The following ZSCAN20 variants were observed in gnomAD, a reference collection of about 807,000 sequenced individuals.
ZSCAN20 encodes zinc finger and SCAN domain containing 20.
ZSCAN20 carries 39 observed loss-of-function variants against 97.1 expected under a neutral mutation model. The observed-to-expected ratio is 0.40, with a 90% CI of 0.31 to 0.52. ZSCAN20 has a LOEUF of 0.52. Among genes scored for constraint, ZSCAN20 ranks in the 20% least tolerant of loss-of-function variants. The pLI is 0.49. For synonymous variants in ZSCAN20, 456 were observed against 467.3 expected, an observed-to-expected ratio of 0.98 and a Z score of 0.31; for missense variants, 1,115 against 1,290.4, an observed-to-expected ratio of 0.86 and a Z score of 2.08.
chr1:33,477,883 G>A (rs1029140031), intron 1 of ZSCAN20, among the ~76,000 whole-genome samples: 2 of 151,898 alleles, frequency 1.3e-5, no homozygotes, highest in African/African-American at 4.8e-5. Flanking sequence ...GCTTGTGGTC[G>A]AGGACTGAAT....
Position 33,488,539 on chromosome 1 carries a change from A to G in ZSCAN20, c.492A>G (p.Pro164=). ...AAGCTCAGAGCTTCCAGCTGCAGCC[A>G]GTGGATCCCTGGCCTGAGGGACAGT... ...GEEAQSFQLQ[P]VDPWPEGQSQ... is the part of the protein sequence containing the mutation. The change falls in exon 3 of 8, where the codon CCA becomes CCG. Residue 164 remains proline, a synonymous_variant. Transcript: ENST00000684572. The G allele has an allele frequency of 1.9e-6, 3 of 1,614,160 alleles. No homozygotes were observed. The highest frequency in any genetic ancestry group is 8.5e-7 in the Non-Finnish European group (1 of 1,180,018).
intron 2 of ZSCAN20, among the ~76,000 whole-genome samples, chr1:33,486,028 G>A (rs1652352513): frequency 1.3e-5 from 2 of 152,192 alleles, no homozygotes; most frequent in South Asian, 2.1e-4. Flanking sequence ...TGGAAGAGCA[G>A]AGGGAGCTGG....
In ZSCAN20 at chr1:33,494,971, A is replaced by G. The variant is rs771080021; in HGVS notation, c.2627A>G (p.Glu876Gly). 1 of 1,614,130 alleles carries G rather than the reference A, an allele frequency of 6.2e-7. No homozygotes were observed. The highest frequency in any genetic ancestry group is 8.5e-7 in the Non-Finnish European group (1 of 1,180,014). The change falls in exon 8 of 8, where the codon GAG (glutamate) becomes GGG (glycine). Residue 876 changes from glutamate (E) to glycine (G), a missense_variant. Glu to Gly is a moderately conservative substitution (Grantham distance 98). Around this residue, in one of 3 missense-constraint regions of ZSCAN20, gnomAD observed 554 missense variants for 584.9 expected, o/e 0.95. Transcript: ENST00000684572. The stretch of plus-strand genomic sequence containing the variant: ...ACAAACTCAGGGGAGAAACTTTATG[A>G]GTGTTCTGAATGTGGAAGAAGCTTC... ...HSTNSGEKLYECSECGRSFSK... is the reference protein window; with the variant it reads ...HSTNSGEKLYGCSECGRSFSK...
chr1:33,491,381 C>G lies in ZSCAN20; in HGVS notation c.1123C>G (p.Gln375Glu). ...RARGFLRTLE[Q>E]CRYRVKNLLR... Reference sequence around the variant, plus strand: ...AAGGGGCTTCCTGCGGACACTGGAGCAATGTCGCTATAGGGTCAAAAACCT... The same window carrying G: ...AAGGGGCTTCCTGCGGACACTGGAGGAATGTCGCTATAGGGTCAAAAACCT... Residue 375 changes from glutamine to glutamate, a missense_variant, in exon 6 of 8, where the codon CAA (glutamine) becomes GAA (glutamate). Transcript: ENST00000684572. The surrounding 1 kb of genome is among the most constrained non-coding windows in gnomAD (Gnocchi z 4.3). The G allele has an allele frequency of 6.2e-7, 1 of 1,614,156 alleles. No individual in the cohort carries two copies. The highest frequency in any genetic ancestry group is 1.1e-5 in the South Asian group (1 of 91,078).
intron 2 of ZSCAN20, among the ~76,000 whole-genome samples, chr1:33,481,615 A>G (rs777640184): frequency 6.6e-6 from 1 of 152,320 alleles, no homozygotes; most frequent in South Asian, 2.1e-4. Context: ...TGCAAGATAT[A>G]TAACTTAGTT....
At chr1:33,481,606 G>T (rs1652158633) in intron 2 of ZSCAN20, among the ~76,000 whole-genome samples, 1 of 152,010 alleles carries the variant, frequency 6.6e-6, no homozygotes, top group East Asian at 1.9e-4. Flanking sequence ...ATCTTACATT[G>T]CAAGATATAT....
At position 33,493,130 on chromosome 1, in the gene ZSCAN20, G is replaced by A; in HGVS notation, c.1445-57G>A. On this transcript the variant is annotated intron_variant, in intron 6 of 7. Transcript: ENST00000684572. This position sits in a 1 kb window ranked among gnomAD's most constrained non-coding sequence, Gnocchi z 4.3. The stretch of plus-strand genomic sequence containing the variant: ...TGAAGGGCAGGTGACTTTATTCTCT[G>A]ATGACCTAGGCACATCTCATTAAGT... 6.4e-7 allele frequency: 1 copy of A among 1,552,840 alleles called. No individual in the cohort carries two copies. Among genetic ancestry groups the A allele is most frequent in the Non-Finnish European group, 8.8e-7 (1 of 1,138,002 alleles).
Position 33,498,224 on chromosome 1 carries a change from TG to T in ZSCAN20, c.*2749del, listed in dbSNP as rs1366256428. ...TCACTGTGGAAGTCAAGCTGAGCTCTGTGTGGATGTGAGGTGGTAGTCCTCT... is the reference window on the plus strand; with the variant it reads ...TCACTGTGGAAGTCAAGCTGAGCTCTTGTGGATGTGAGGTGGTAGTCCTCT... On this transcript the variant is annotated 3_prime_UTR_variant, in exon 8 of 8. Transcript: ENST00000684572. Among the ~76,000 whole-genome samples the T allele has an allele frequency of 6.6e-6, 1 of 152,222 alleles. No homozygotes were observed. The highest frequency in any genetic ancestry group is 1.5e-5 in the Non-Finnish European group (1 of 68,032).
In ZSCAN20 at chr1:33,491,219, G is replaced by C. The variant is rs1340303961; in HGVS notation, c.961G>C (p.Val321Leu). The C allele has an allele frequency of 2.5e-6, 4 of 1,614,162 alleles. No individual in the cohort carries two copies. The change falls in exon 6 of 8, where the codon GTG becomes CTG. Residue 321 changes from valine (V) to leucine (L), a missense_variant. Physicochemically the swap from Val to Leu is conservative, Grantham distance 32 (BLOSUM62 1). Transcript: ENST00000684572. This position sits in a 1 kb window ranked among gnomAD's most constrained non-coding sequence, Gnocchi z 4.3. Reference sequence around the variant, plus strand: ...CCAGTGGGATGTGGAGGACATGAAGGTGTCAGGTGTTCACTGGGGCTATGA... The same window carrying C: ...CCAGTGGGATGTGGAGGACATGAAGCTGTCAGGTGTTCACTGGGGCTATGA... ...QYQWDVEDMK[V>L]SGVHWGYEET...
In ZSCAN20 at chr1:33,493,411, G is replaced by T; in HGVS notation, c.1669G>T (p.Gly557Trp). 6.2e-7 allele frequency: 1 copy of T among 1,614,220 alleles called. No homozygotes were observed. Among genetic ancestry groups the T allele is most frequent in the Non-Finnish European group, 8.5e-7 (1 of 1,180,036 alleles). Residue 557 changes from glycine to tryptophan, a missense_variant, in exon 7 of 8, where the codon GGG (glycine) becomes TGG (tryptophan). This residue lies in a region of ZSCAN20 where 53 missense variants were observed against 94.3 expected (regional missense o/e 0.56). Coordinates refer to ENST00000684572, the MANE Select transcript of ZSCAN20 (RefSeq NM_001377376.1). The surrounding 1 kb of genome is among the most constrained non-coding windows in gnomAD (Gnocchi z 4.3). ...GAAAGCCAAGAGCAGCCACCCACCA[G>T]GGACATGCCCTTTCTATGAGGAACT... ...YRKAKSSHPPGTCPFYEELDS... is the reference protein window; with the variant it reads ...YRKAKSSHPPWTCPFYEELDS...
At position 33,495,124 on chromosome 1, in the gene ZSCAN20, G is replaced by A; in HGVS notation, c.2780G>A (p.Gly927Glu). 6.2e-7 allele frequency: 1 copy of A among 1,613,808 alleles called. No individual in the cohort carries two copies. Among genetic ancestry groups the A allele is most frequent in the Non-Finnish European group, 8.5e-7 (1 of 1,179,754 alleles). The stretch of plus-strand genomic sequence containing the variant: ...GCCAACCACCAGCGCACCCACACTG[G>A]AGAGAAGCCGTATAAATGTGTGGAC... ...TLANHQRTHT[G>E]EKPYKCVDCG... Residue 927 changes from glycine to glutamate, a missense_variant, in exon 8 of 8, where the codon GGA becomes GAA. Transcript: ENST00000684572.
intron 1 of ZSCAN20, among the ~76,000 whole-genome samples, chr1:33,476,141 G>T (rs923478073): frequency 6.6e-6 from 1 of 152,172 alleles, no homozygotes; most frequent in South Asian, 2.1e-4. Flanking sequence ...CTTAGAAATT[G>T]CTGGTCCTAA....
intron 4 of ZSCAN20, 139 bp from the exon 5 acceptor site, chr1:33,489,379 G>C: frequency 9.9e-7 from 1 of 1,009,388 alleles, no homozygotes; most frequent in Non-Finnish European, 1.5e-6. Flanking sequence ...GTACCAAATG[G>C]CCATCCTGCT....
Position 33,496,433 on chromosome 1 carries a change from A to G in ZSCAN20, c.*957A>G, listed in dbSNP as rs1423047443. ...TTTGAGCAAGGATGAGCTATTATCA[A>G]AATACTTGATGTGAGTTTCCATCTT... On this transcript the variant is annotated 3_prime_UTR_variant, in exon 8 of 8. Coordinates refer to ENST00000684572, the MANE Select transcript of ZSCAN20 (RefSeq NM_001377376.1). 1 of 152,216 alleles carries G rather than the reference A, an allele frequency of 6.6e-6. No individual in the cohort carries two copies. The highest frequency in any genetic ancestry group is 6.5e-5 in the Admixed American group (1 of 15,282). The allele number at this position is 152,216 out of a possible 1,614,324, so 9.4% of individuals were successfully genotyped here. A position where few individuals can be genotyped will look rare whatever the true frequency, so the allele number is the denominator to read the frequency against.
intron 2 of ZSCAN20, among the ~76,000 whole-genome samples, chr1:33,484,475 G>A (rs1469498240): frequency 6.6e-6 from 1 of 152,086 alleles, no homozygotes; most frequent in Non-Finnish European, 1.5e-5. Context: ...TTTGCCCGTT[G>A]ATGTGATGGG....
At chr1:33,486,642 A>T (rs1652377950) in intron 2 of ZSCAN20, among the ~76,000 whole-genome samples, 1 of 152,208 alleles carries the variant, frequency 6.6e-6, no homozygotes, top group Non-Finnish European at 1.5e-5. Flanking sequence ...ATTACCATCC[A>T]TGGAATCAGA....
At chr1:33,489,263 C>T (rs1037591355) in intron 4 of ZSCAN20, 72 bp downstream of exon 4, 85 of 1,483,712 alleles carry the variant, frequency 5.7e-5, no homozygotes, top group Non-Finnish European at 7.9e-5. Context: ...TGTTCCTCCT[C>T]TCTCTCCATG....
At chr1:33,474,443 T>C (rs1360855657) in intron 1 of ZSCAN20, among the ~76,000 whole-genome samples, 2 of 152,202 alleles carry the variant, frequency 1.3e-5, no homozygotes, top group Admixed American at 6.5e-5. Flanking sequence ...CTGAGTGGGC[T>C]CCTCATGACC....
At position 33,491,072 on chromosome 1, in the gene ZSCAN20, C is replaced by T. The variant is rs1652583959; in HGVS notation, c.814C>T (p.Pro272Ser). 6.2e-7 allele frequency: 1 copy of T among 1,612,476 alleles called. No homozygotes were observed. The highest frequency in any genetic ancestry group is 8.5e-7 in the Non-Finnish European group (1 of 1,179,614). ...PSNTSEKEQG[P>S]EFWGLSLINS... ...TAATACCTCCGAGAAAGAGCAAGGA[C>T]CAGAGTTTTGGGGTCTAAGTCTTAT... The change falls in exon 6 of 8, where the codon CCA (proline) becomes TCA (serine). Residue 272 changes from proline to serine, a missense_variant. Pro to Ser is a moderately conservative substitution (Grantham distance 74). Coordinates refer to ENST00000684572, the MANE Select transcript of ZSCAN20 (RefSeq NM_001377376.1). The surrounding 1 kb of genome is among the most constrained non-coding windows in gnomAD (Gnocchi z 4.3).
Sources: allele counts gnomAD v4.1 joint callset (sites outside exome capture counted in the v4.1 genomes callset), GRCh38; gene constraint gnomAD v4.1.1; regional missense constraint gnomAD v4.1.1; non-coding constraint Gnocchi (gnomAD v3.1); transcripts MANE v1.5; gene names NCBI Gene and HGNC (gene_info 2026-07-23, HGNC 2026-07-21).